Variants in KIF26B observed in about 807,000 individuals in gnomAD.
KIF26B encodes kinesin-like protein KIF26B.
A neutral mutation model predicts 151.2 loss-of-function variants in KIF26B; 63 were observed. The observed-to-expected ratio is 0.42, with a 90% CI of 0.34 to 0.51. The LOEUF is 0.51. Ranked by LOEUF, KIF26B falls within the 20% of genes least tolerant of loss-of-function variation. KIF26B has a pLI of 0.07. For missense variants in KIF26B, 2,813 were observed against 2,913.6 expected (o/e 0.97, Z 0.79); for synonymous variants, 1,357 against 1,262.1 (o/e 1.08, Z -1.59).
Position 245,702,717 on chromosome 1 carries a change from G to T in KIF26B, c.*111G>T. The T allele has an allele frequency of 7.8e-7, 1 of 1,278,666 alleles. No homozygotes were observed. Among genetic ancestry groups the T allele is most frequent in the South Asian group, 1.7e-5 (1 of 58,914 alleles). The allele number at this position is 1,278,666 out of a possible 1,614,324, so 79.2% of individuals were successfully genotyped here. On this transcript the variant is annotated 3_prime_UTR_variant, in exon 15 of 15. Transcript: ENST00000407071. This position sits in a 1 kb window ranked among gnomAD's most constrained non-coding sequence, Gnocchi z 4.1. ...TCAAAGACAATGAATGAGGATGAAG[G>T]TTGGTGGCAAGTCTGGAGCGGGCGT...
intron 4 of KIF26B, among the ~76,000 whole-genome samples, chr1:245,468,763 C>T (rs991787223): frequency 7.2e-5 from 11 of 151,954 alleles, no homozygotes; most frequent in African/African-American, 2.4e-5. Flanking sequence ...TTATAACGTC[C>T]GGCAGTAGAA....
chr1:245,352,286 CAG>C lies in KIF26B; in HGVS notation c.466-14545_466-14544del, dbSNP rs1197892621. On this transcript the variant is annotated intron_variant, in intron 2 of 14. Transcript: ENST00000407071. This position sits in a 1 kb window ranked among gnomAD's most constrained non-coding sequence, Gnocchi z 5.0. ...TGTTTGTTTGTGTTCCTTTTTGAGA[CAG>C]AGTCTCATTCCTTCACTCAGACTGG... Among the ~76,000 whole-genome samples the C allele has an allele frequency of 2.0e-5, 3 of 152,310 alleles. No individual in the cohort carries two copies. The highest frequency in any genetic ancestry group is 2.1e-4 in the South Asian group (1 of 4,828).
intron 4 of KIF26B, among the ~76,000 whole-genome samples, chr1:245,521,793 T>C (rs1661116390): frequency 6.6e-6 from 1 of 152,220 alleles, no homozygotes; most frequent in African/African-American, 2.4e-5. Flanking sequence ...TGTTCAGTCT[T>C]GTGAGGAAGA....
intron 14 of KIF26B, 36 bp downstream of exon 14, chr1:245,699,073 TG>T: frequency 2.5e-6 from 4 of 1,596,582 alleles, no homozygotes; most frequent in Non-Finnish European, 3.4e-6. Context: ...TTGTGACTAG[TG>T]GGTTCACCTG....
chr1:245,234,391 CAG>C (rs1558355854), intron 2 of KIF26B: 1 of 152,308 alleles, frequency 6.6e-6, no homozygotes, highest in African/African-American at 2.4e-5. Context: ...ACACACCTGT[CAG>C]GGGGCACAGC....
chr1:245,273,521 T>A (rs909191660), intron 2 of KIF26B, among the ~76,000 whole-genome samples: 1 of 152,216 alleles, frequency 6.6e-6, no homozygotes, highest in East Asian at 1.9e-4. Flanking sequence ...ATTCTGTCCA[T>A]GTTTTATATC....
intron 10 of KIF26B, among the ~76,000 whole-genome samples, chr1:245,647,785 C>A (rs566984852): frequency 6.6e-6 from 1 of 152,152 alleles, no homozygotes; most frequent in Non-Finnish European, 1.5e-5. Context: ...GAGTTTATTT[C>A]CTACCAGGAG....
chr1:245,333,746 C>T (rs1206965027), intron 2 of KIF26B, among the ~76,000 whole-genome samples: 4 of 152,140 alleles, frequency 2.6e-5, no homozygotes, highest in African/African-American at 4.8e-5. Context: ...ACCTGTAATC[C>T]CAGCACTTCG....
At chr1:245,565,293 G>GTT (rs148766403) in intron 5 of KIF26B, among the ~76,000 whole-genome samples, 65 of 147,810 alleles carry the variant, frequency 4.4e-4, no homozygotes, top group Admixed American at 1.1e-3. Flanking sequence ...GGGTTTTTTT[G>GTT]TTTTTTTTAT....
At chr1:245,434,773 A>G (rs574610855) in intron 4 of KIF26B, among the ~76,000 whole-genome samples, 6 of 152,124 alleles carry the variant, frequency 3.9e-5, no homozygotes, top group African/African-American at 1.4e-4. Context: ...CCCTGGCAGG[A>G]TTGAGCCCCA....
At chr1:245,656,282 TCTC>T (rs1374249226) in intron 10 of KIF26B, among the ~76,000 whole-genome samples, 1 of 152,150 alleles carries the variant, frequency 6.6e-6, no homozygotes, top group Non-Finnish European at 1.5e-5. Flanking sequence ...TCTCAAGCTC[TCTC>T]CTCCTCGAGT....
chr1:245,682,434 A>G (rs1159697334), intron 10 of KIF26B, among the ~76,000 whole-genome samples: 1 of 150,992 alleles, frequency 6.6e-6, no homozygotes, highest in African/African-American at 2.5e-5. Flanking sequence ...ACTGAGCAGA[A>G]CTCACCCTCC....
In KIF26B at chr1:245,688,772, G is replaced by T. The variant is rs752953621; in HGVS notation, c.5789G>T (p.Arg1930Leu). 17 of 1,596,642 alleles carry T rather than the reference G, an allele frequency of 1.1e-5. No individual in the cohort carries two copies. The highest frequency in any genetic ancestry group is 2.7e-5 in the African/African-American group (2 of 74,292). Reference sequence around the variant, plus strand: ...AGCAGCTCCGTGGGCGGCAGGTGCCGGAGCCTCAAGACCCCGAAGAAACGC... The same window carrying T: ...AGCAGCTCCGTGGGCGGCAGGTGCCTGAGCCTCAAGACCCCGAAGAAACGC... ...ENSSSVGGRC[R>L]SLKTPKKRSN... The change falls in exon 12 of 15, where the codon CGG becomes CTG. Residue 1930 changes from arginine to leucine, a missense_variant. Coordinates refer to ENST00000407071, the MANE Select transcript of KIF26B (RefSeq NM_018012.4).
chr1:245,438,638 C>A (rs1438746480), intron 4 of KIF26B, among the ~76,000 whole-genome samples: 1 of 152,126 alleles, frequency 6.6e-6, no homozygotes, highest in African/African-American at 2.4e-5. Flanking sequence ...AAAATGTAAA[C>A]TACCCAAATA....
intron 2 of KIF26B, among the ~76,000 whole-genome samples, chr1:245,217,161 C>T (rs541506752): frequency 6.6e-6 from 1 of 152,124 alleles, no homozygotes; most frequent in Non-Finnish European, 1.5e-5. Flanking sequence ...TAAACTAATG[C>T]AACTTGAAAG....
At chr1:245,261,642 T>C (rs1025481924) in intron 2 of KIF26B, among the ~76,000 whole-genome samples, 1 of 151,894 alleles carries the variant, frequency 6.6e-6, no homozygotes. Flanking sequence ...TGGAATGCAA[T>C]GGCGTGATCA....
intron 2 of KIF26B, among the ~76,000 whole-genome samples, chr1:245,211,099 G>A (rs145713800): frequency 3.3e-4 from 51 of 152,288 alleles, no homozygotes; most frequent in African/African-American, 1.2e-3. Flanking sequence ...GCCTGAACGG[G>A]AGAGACTAGC....
intron 14 of KIF26B, among the ~76,000 whole-genome samples, chr1:245,700,647 AAAT>A (rs1389428026): frequency 1.3e-5 from 2 of 151,698 alleles, no homozygotes; most frequent in East Asian, 3.9e-4. Flanking sequence ...TCAAAAATAA[AAAT>A]AAAAAACAGG....
chr1:245,698,389 G>C lies in KIF26B; in HGVS notation c.6027+81G>C. The C allele has an allele frequency of 7.5e-7, 1 of 1,341,400 alleles. No individual in the cohort carries two copies. The highest frequency in any genetic ancestry group is 1.0e-6 in the Non-Finnish European group (1 of 972,328). 83.1% of individuals were successfully genotyped at this position (1,341,400 alleles called of 1,614,324 possible). On this transcript the variant is annotated intron_variant, in intron 13 of 14. Transcript: ENST00000407071. The surrounding 1 kb of genome is among the most constrained non-coding windows in gnomAD (Gnocchi z 4.0). Reference sequence around the variant, plus strand: ...CTGAGCAGGTGCTAGGCAGGGCCCTGGGGAAGAAAACTCAGACCCGGGCTT... The same window carrying C: ...CTGAGCAGGTGCTAGGCAGGGCCCTCGGGAAGAAAACTCAGACCCGGGCTT...
Sources: allele counts gnomAD v4.1 joint callset (sites outside exome capture counted in the v4.1 genomes callset), GRCh38; gene constraint gnomAD v4.1.1; non-coding constraint Gnocchi (gnomAD v3.1); transcripts MANE v1.5; gene names NCBI Gene and HGNC (gene_info 2026-07-23, HGNC 2026-07-21).